The following DSTN variants were observed in gnomAD, a reference collection of about 807,000 sequenced individuals.
DSTN encodes the protein destrin, actin depolymerizing factor, also known as destrin.
Under a neutral mutation model 16.8 loss-of-function variants are expected in DSTN, and 10 were observed. The ratio of observed to expected loss-of-function variants is 0.60; its 90% confidence interval spans 0.37 to 1.01. The LOEUF is 1.01. Ranked by LOEUF, DSTN falls within the 50% of genes least tolerant of loss-of-function variation. The probability of loss-of-function intolerance (pLI) is 0.01; values close to 1 mark genes in which losing one functional copy is unlikely to be tolerated. For missense variants in DSTN, 141 were observed against 196.7 expected, an observed-to-expected ratio of 0.72 and a Z score of 1.69; for synonymous variants, 57 against 58.9, an observed-to-expected ratio of 0.97 and a Z score of 0.14.
At chr20:17,592,379 A>G (rs1600707643) in intron 1 of DSTN, among the ~76,000 whole-genome samples, 1 of 151,036 alleles carries the variant, frequency 6.6e-6, no homozygotes, top group Admixed American at 6.6e-5. Flanking sequence ...GCAGTGAGCC[A>G]TGATCACATC....
rs934702028 is a variant in DSTN at position 17,608,713 on chromosome 20, A to G, written c.*1567A>G. 5.9e-5 allele frequency: 9 copies of G among 151,502 alleles called. No homozygotes were observed. Among genetic ancestry groups the G allele is most frequent in the African/African-American group, 2.2e-4 (9 of 40,826 alleles). The allele number at this position is 151,502 out of a possible 1,614,324, so 9.4% of individuals were successfully genotyped here. On this transcript the variant is annotated 3_prime_UTR_variant, in exon 4 of 4. Coordinates refer to ENST00000246069, the MANE Select transcript of DSTN (RefSeq NM_006870.4). ...CAATGTTTATTACACTATAAGTGTA[A>G]TAAATATTATACAAAATTATAAATT... is the stretch of plus-strand genomic sequence containing the variant.
Position 17,570,098 on chromosome 20 carries a change from C to A in DSTN, c.-111C>A, listed in dbSNP as rs550372531. On this transcript the variant is annotated 5_prime_UTR_variant, in exon 1 of 4. Coordinates refer to ENST00000246069, the MANE Select transcript of DSTN (RefSeq NM_006870.4). The stretch of plus-strand genomic sequence containing the variant: ...CCGCCCCGGGGTAAGCTCGCGCCGC[C>A]GCGTCAGCTCAGCGCTGGGTCTCTC... 95 of 1,461,858 alleles carry A rather than the reference C, an allele frequency of 6.5e-5. 1 individual carries two copies. In the African/African-American group the frequency reaches 1.2e-3, roughly 19 times the overall value. 90.6% of individuals were successfully genotyped at this position (1,461,858 alleles called of 1,614,324 possible).
At chr20:17,596,851 ACTTT>A in intron 1 of DSTN, 1 of 977,394 alleles carries the variant, frequency 1.0e-6, no homozygotes, top group Non-Finnish European at 1.2e-6. Flanking sequence ...ATGCACATTT[ACTTT>A]GTTTTTGATT....
chr20:17,596,798 A>G (rs1419598702), intron 1 of DSTN: 1 of 985,376 alleles, frequency 1.0e-6, no homozygotes, highest in African/African-American at 1.7e-5. Context: ...CTTGTAAGTT[A>G]CAGCCAGATT....
At chr20:17,604,481 A>C in intron 2 of DSTN, 74 bp from the exon 3 acceptor site, 3 of 1,442,780 alleles carry the variant, frequency 2.1e-6, no homozygotes, top group Non-Finnish European at 2.9e-6. Context: ...TGTTTACACA[A>C]GCAAATGTTT....
chr20:17,602,442 G>T (rs577568926), intron 2 of DSTN, among the ~76,000 whole-genome samples: 59 of 152,242 alleles, frequency 3.9e-4, no homozygotes, highest in Admixed American at 6.5e-4. Context: ...TCCTTAATTT[G>T]CAGGTATTTT....
In DSTN at chr20:17,607,289, T is replaced by C. The variant is rs750492815; in HGVS notation, c.*143T>C. On this transcript the variant is annotated 3_prime_UTR_variant, in exon 4 of 4. Coordinates refer to ENST00000246069, the MANE Select transcript of DSTN (RefSeq NM_006870.4). ...TAGAGTAAACTATTCTATAAACATA[T>C]GCAAACAGCCCTAAATAAATCTAAA... 19 of 598,660 alleles carry C rather than the reference T, an allele frequency of 3.2e-5. No homozygotes were observed. Among genetic ancestry groups the C allele is most frequent in the African/African-American group, 5.7e-5 (3 of 52,760 alleles). The allele number at this position is 598,660 out of a possible 1,614,324, so 37.1% of individuals were successfully genotyped here. A position where few individuals can be genotyped will look rare whatever the true frequency, so the allele number is the denominator to read the frequency against.
At chr20:17,574,645 A>T (rs577716844) in intron 1 of DSTN, among the ~76,000 whole-genome samples, 45 of 149,492 alleles carry the variant, frequency 3.0e-4, no homozygotes, top group Non-Finnish European at 5.8e-4. Flanking sequence ...AGAATCGCTT[A>T]AACCCAGGAG....
At chr20:17,574,667 A>G (rs1480833379) in intron 1 of DSTN, among the ~76,000 whole-genome samples, 39 of 137,228 alleles carry the variant, frequency 2.8e-4, no homozygotes, top group African/African-American at 1.1e-3. Context: ...CGGAGGTTGT[A>G]GTGAGCTAAG....
intron 1 of DSTN, among the ~76,000 whole-genome samples, chr20:17,574,390 GAC>G (rs1222430756): frequency 1.3e-5 from 2 of 152,124 alleles, no homozygotes; most frequent in Non-Finnish European, 2.9e-5. Flanking sequence ...AGTGACTTAG[GAC>G]AGAGTTCTTT....
chr20:17,583,576 A>C (rs146046738), intron 1 of DSTN, among the ~76,000 whole-genome samples: 2 of 152,088 alleles, frequency 1.3e-5, no homozygotes, highest in Non-Finnish European at 2.9e-5. Context: ...TGCTAAGTGA[A>C]AGAAACCAGT....
rs1180010012 is a variant in DSTN at position 17,607,220 on chromosome 20, T to C, written c.*74T>C. 1 of 1,433,118 alleles carries C rather than the reference T, an allele frequency of 7.0e-7. No homozygotes were observed. Among genetic ancestry groups the C allele is most frequent in the Non-Finnish European group, 9.6e-7 (1 of 1,037,490 alleles). The allele number at this position is 1,433,118 out of a possible 1,614,324, so 88.8% of individuals were successfully genotyped here. A position where few individuals can be genotyped will look rare whatever the true frequency, so the allele number is the denominator to read the frequency against. ...TTGCTATATAAATAAAGCAAATATA[T>C]TTAGGCCAGGGTCTCACTGAGGGGG... is the stretch of plus-strand genomic sequence containing the variant. On this transcript the variant is annotated 3_prime_UTR_variant, in exon 4 of 4. Transcript: ENST00000246069.
At chr20:17,572,875 G>C (rs1400464783) in intron 1 of DSTN, among the ~76,000 whole-genome samples, 9 of 152,122 alleles carry the variant, frequency 5.9e-5, no homozygotes, top group Admixed American at 5.9e-4. Flanking sequence ...CCATATTTCA[G>C]GTTTTTATGT....
At chr20:17,601,185 G>C (rs1600712594) in intron 2 of DSTN, 140 bp downstream of exon 2, 1 of 1,069,736 alleles carries the variant, frequency 9.3e-7, no homozygotes, top group East Asian at 3.1e-5. Context: ...GTTTCATAAT[G>C]TTACCAGGGC....
intron 1 of DSTN, among the ~76,000 whole-genome samples, chr20:17,577,562 G>T (rs2035292422): frequency 3.4e-5 from 4 of 117,512 alleles, no homozygotes; most frequent in African/African-American, 1.6e-4. Flanking sequence ...GCAAGACCCT[G>T]TCTCAAAAAA....
At chr20:17,600,454 C>T (rs1202586603) in intron 1 of DSTN, among the ~76,000 whole-genome samples, 2 of 152,128 alleles carry the variant, frequency 1.3e-5, no homozygotes, top group Non-Finnish European at 2.9e-5. Context: ...AATAACCCAG[C>T]ACCTTAGGAA....
intron 3 of DSTN, among the ~76,000 whole-genome samples, chr20:17,606,167 C>T (rs2035640973): frequency 6.6e-6 from 1 of 151,814 alleles, no homozygotes. Context: ...CATCCACTGT[C>T]TTTCTCAGAT....
At chr20:17,572,715 G>A (rs576284223) in intron 1 of DSTN, among the ~76,000 whole-genome samples, 29 of 152,298 alleles carry the variant, frequency 1.9e-4, no homozygotes, top group African/African-American at 6.5e-4. Flanking sequence ...TTTAACATAT[G>A]AGAAAACAGA....
chr20:17,588,625 CA>C (rs567250707), intron 1 of DSTN, among the ~76,000 whole-genome samples: 4 of 151,082 alleles, frequency 2.6e-5, no homozygotes, highest in Admixed American at 6.6e-5. Flanking sequence ...ACTAAAAATA[CA>C]AAAAAAAATT....
Sources: gnomAD v4.1 joint callset for allele counts (sites outside exome capture counted in the v4.1 genomes callset) on GRCh38, gnomAD v4.1.1 for gene constraint, MANE v1.5 for transcripts, NCBI Gene and HGNC (gene_info 2026-07-23, HGNC 2026-07-21) for gene names.